Variants in DPRX observed in about 807,000 individuals in gnomAD.
The protein encoded by DPRX is divergent paired-related homeobox.
A neutral mutation model predicts 8.4 loss-of-function variants in DPRX; 11 were observed. That is an observed-to-expected ratio of 1.31 (90% CI 0.82 to 2.17). The LOEUF (loss-of-function observed/expected upper bound fraction) is 2.17, where lower values mean the gene tolerates loss of function less well. Among genes scored for constraint, DPRX ranks in the 30% most tolerant of loss-of-function variants. The pLI is 0.00. For synonymous variants in DPRX, 72 were observed against 87.0 expected (o/e 0.83, Z 0.96); for missense variants, 211 against 236.7 (o/e 0.89, Z 0.71).
intron 2 of DPRX, 116 bp from the exon 3 acceptor site, chr19:53,636,478 GAA>G: frequency 3.5e-6 from 3 of 868,800 alleles, no homozygotes; most frequent in Non-Finnish European, 4.6e-6. Flanking sequence ...TTAAAAAAAA[GAA>G]TATAAATAAA....
chr19:53,620,221 C>T, the DPRX span, among the ~76,000 whole-genome samples: 1 of 152,046 alleles, frequency 6.6e-6, no homozygotes. Context: ...AGGCACCTGC[C>T]ACCTTGCCCG....
chr19:53,634,523 C>A lies in DPRX; in HGVS notation c.29-8C>A. ...TTCCCATTTGTGTCTTTTTCCTCCT[C>A]TTTCAAGGCAAGGACCAGATGCATT... On this transcript the variant is annotated splice_region_variant and splice_polypyrimidine_tract_variant and intron_variant, in intron 1 of 2. Coordinates refer to ENST00000376650, the Ensembl canonical transcript of DPRX. 1 of 1,601,372 alleles carries A rather than the reference C, an allele frequency of 6.2e-7. No individual in the cohort carries two copies.
the DPRX span, among the ~76,000 whole-genome samples, chr19:53,614,047 G>T: frequency 2.6e-5 from 4 of 151,562 alleles, no homozygotes; most frequent in Non-Finnish European, 5.9e-5. Context: ...TGCCTCCTGG[G>T]TTCATGCCAG....
chr19:53,605,415 C>T, the DPRX span, among the ~76,000 whole-genome samples: 3 of 148,442 alleles, frequency 2.0e-5, no homozygotes, highest in East Asian at 2.0e-4. Flanking sequence ...CTCGCTCTGT[C>T]GCTCAGGCTG....
At chr19:53,617,428 CAT>C in the DPRX span, among the ~76,000 whole-genome samples, 7 of 151,852 alleles carry the variant, frequency 4.6e-5, no homozygotes, top group African/African-American at 1.2e-4. Context: ...CGTGGTGACA[CAT>C]GTCTGTAATC....
At chr19:53,616,916 T>G in the DPRX span, 2 of 1,427,048 alleles carry the variant, frequency 1.4e-6, no homozygotes, top group Non-Finnish European at 2.0e-6. Flanking sequence ...GCTCTGGTGG[T>G]GGTGTCTTAC....
chr19:53,603,003 A>ATG, the DPRX span, among the ~76,000 whole-genome samples: 31,645 of 146,794 alleles, frequency 0.22, 3,435 homozygotes, highest in South Asian at 0.31. Flanking sequence ...GTGTATATGT[A>ATG]TGTGTGTGTG....
the DPRX span, among the ~76,000 whole-genome samples, chr19:53,613,679 A>C: frequency 6.6e-6 from 1 of 151,294 alleles, no homozygotes; most frequent in Non-Finnish European, 1.5e-5. Context: ...ATCTGATAAG[A>C]AGTCACGCAC....
chr19:53,632,284 T>C (rs1413498061), intron 1 of DPRX, 150 bp downstream of exon 1: 5 of 959,658 alleles, frequency 5.2e-6, no homozygotes, highest in Non-Finnish European at 8.0e-6. Context: ...GTCATCGTTT[T>C]TGTTGTTGTT....
intron 1 of DPRX, among the ~76,000 whole-genome samples, chr19:53,633,844 A>G (rs1486065490): frequency 6.6e-6 from 1 of 151,714 alleles, no homozygotes; most frequent in Non-Finnish European, 1.5e-5. Flanking sequence ...GGGTTTCACC[A>G]TGCTGGCCAG....
the DPRX span, among the ~76,000 whole-genome samples, chr19:53,602,361 CTTT>C: frequency 1.5e-5 from 2 of 130,592 alleles, no homozygotes; most frequent in Admixed American, 1.6e-4. Context: ...CACCCAAATA[CTTT>C]TTTTTTTTTT....
the DPRX span, among the ~76,000 whole-genome samples, chr19:53,618,762 A>C: frequency 6.6e-6 from 1 of 150,418 alleles, no homozygotes; most frequent in Non-Finnish European, 1.5e-5. Flanking sequence ...GGCTCACTGC[A>C]ACCTCCACCT....
chr19:53,614,167 G>A, the DPRX span, among the ~76,000 whole-genome samples: 3 of 151,996 alleles, frequency 2.0e-5, no homozygotes, highest in East Asian at 5.8e-4. Context: ...AGCTAGGATG[G>A]TCTCAATTTC....
the DPRX span, among the ~76,000 whole-genome samples, chr19:53,617,663 A>G: frequency 6.6e-6 from 1 of 152,130 alleles, no homozygotes; most frequent in Non-Finnish European, 1.5e-5. Context: ...TGAGATGTAG[A>G]AAAGAAGGAA....
chr19:53,617,257 G>A, the DPRX span: 2 of 750,332 alleles, frequency 2.7e-6, no homozygotes, highest in African/African-American at 1.7e-5. Context: ...ATGGGTTAGA[G>A]TGCCTTTAAG....
At chr19:53,625,198 A>C in the DPRX span, among the ~76,000 whole-genome samples, 14 of 151,630 alleles carry the variant, frequency 9.2e-5, no homozygotes, top group Non-Finnish European at 1.8e-4. Flanking sequence ...CTATAGGTGC[A>C]TGCCTCCATG....
chr19:53,605,626 G>A, the DPRX span, among the ~76,000 whole-genome samples: 2 of 151,690 alleles, frequency 1.3e-5, no homozygotes, highest in African/African-American at 4.8e-5. Context: ...ACTGCACCCC[G>A]CCCCATTTTC....
the DPRX span, among the ~76,000 whole-genome samples, chr19:53,615,310 T>A: frequency 1.8e-3 from 275 of 151,542 alleles, 6 homozygotes; most frequent in East Asian, 0.048. Context: ...AGACGCAGTC[T>A]CACTCTGTCA....
At chr19:53,606,957 C>A in the DPRX span, 1 of 152,970 alleles carries the variant, frequency 6.5e-6, no homozygotes. This position sits in a 1 kb window ranked among gnomAD's most constrained non-coding sequence, Gnocchi z 4.8. Context: ...GTGGCAATGC[C>A]ATCAAAACCC....
Sources: gnomAD v4.1 joint callset for allele counts (sites outside exome capture counted in the v4.1 genomes callset) on GRCh38, gnomAD v4.1.1 for gene constraint, Gnocchi (gnomAD v3.1) non-coding constraint, MANE v1.5 for transcripts, NCBI Gene and HGNC (gene_info 2026-07-23, HGNC 2026-07-21) for gene names.